The following NKAIN2 variants were observed in gnomAD, a reference collection of about 807,000 sequenced individuals.
NKAIN2 encodes sodium/potassium transporting ATPase interacting 2, also known as sodium/potassium-transporting ATPase subunit beta-1-interacting protein 2.
NKAIN2 carries 14 observed loss-of-function variants against 32.6 expected under a neutral mutation model. The ratio of observed to expected loss-of-function variants is 0.43; its 90% CI spans 0.28 to 0.67. The LOEUF (loss-of-function observed/expected upper bound fraction) is 0.67. Ranked by LOEUF, NKAIN2 falls within the 30% of genes least tolerant of loss-of-function variation. The probability of loss-of-function intolerance (pLI) is 0.17; values close to 1 mark genes in which losing one functional copy is unlikely to be tolerated. For synonymous variants in NKAIN2, 80 were observed against 87.2 expected (o/e 0.92, Z 0.46); for missense variants, 198 against 258.3 (o/e 0.77, Z 1.60).
intron 3 of NKAIN2, among the ~76,000 whole-genome samples, chr6:124,376,555 C>T (rs1318701438): frequency 6.6e-6 from 1 of 152,040 alleles, no homozygotes; most frequent in East Asian, 1.9e-4. Context: ...TAATTTGATA[C>T]ATATTTTCAA....
chr6:124,031,197 C>T (rs1314353845), intron 1 of NKAIN2, among the ~76,000 whole-genome samples: 1 of 152,042 alleles, frequency 6.6e-6, no homozygotes, highest in African/African-American at 2.4e-5. Flanking sequence ...ACGTGGCCAG[C>T]AGTAACCATT....
At chr6:124,347,922 A>G (rs1001998878) in intron 2 of NKAIN2, among the ~76,000 whole-genome samples, 5 of 152,020 alleles carry the variant, frequency 3.3e-5, no homozygotes, top group Non-Finnish European at 5.9e-5. Context: ...TGCTTTTTAG[A>G]GTTTCCAGTT....
Position 124,503,243 on chromosome 6 carries a change from A to C in NKAIN2, c.273+147896A>C, listed in dbSNP as rs1306409844. 2.0e-5 allele frequency among the ~76,000 whole-genome samples: 3 copies of C among 152,092 alleles called. No homozygotes were observed. In the South Asian group the frequency reaches 6.2e-4, roughly 31 times the overall value. ...TATATTGAATTTTAACTCCGCCCCA[A>C]AAAGCAAAAGTAAAGGAAAGTCTAA... On this transcript the variant is annotated intron_variant, in intron 3 of 6. Transcript: ENST00000368417.
At chr6:124,383,152 G>A (rs530604659) in intron 3 of NKAIN2, among the ~76,000 whole-genome samples, 3 of 152,200 alleles carry the variant, frequency 2.0e-5, no homozygotes, top group African/African-American at 7.2e-5. Context: ...TCTCCCCCAG[G>A]CACCCTTTCC....
At chr6:124,767,109 T>C (rs1778548841) in intron 4 of NKAIN2, among the ~76,000 whole-genome samples, 1 of 152,216 alleles carries the variant, frequency 6.6e-6, no homozygotes, top group African/African-American at 2.4e-5. Context: ...TCGGCCAGGC[T>C]GGTTTCAAAC....
chr6:124,631,695 G>GAGTT (rs968530789), intron 3 of NKAIN2, among the ~76,000 whole-genome samples: 221 of 152,028 alleles, frequency 1.5e-3, no homozygotes, highest in African/African-American at 5.0e-3. Context: ...AAACTCCCAG[G>GAGTT]AGTTAACTAT....
intron 1 of NKAIN2, among the ~76,000 whole-genome samples, chr6:124,143,694 CAACAT>C (rs1664567652): frequency 1.3e-5 from 2 of 151,714 alleles, no homozygotes; most frequent in South Asian, 2.1e-4. Context: ...CAGAACAAGA[CAACAT>C]AATGTAATGA....
intron 5 of NKAIN2, among the ~76,000 whole-genome samples, chr6:124,807,687 T>C (rs1473679530): frequency 6.7e-6 from 1 of 149,852 alleles, no homozygotes; most frequent in African/African-American, 2.5e-5. Context: ...TTCAAAAAAT[T>C]AATGAATCCA....
intron 3 of NKAIN2, among the ~76,000 whole-genome samples, chr6:124,488,728 A>T (rs1777748373): frequency 6.6e-6 from 1 of 152,020 alleles, no homozygotes; most frequent in South Asian, 2.1e-4. Flanking sequence ...AGAGATTTTG[A>T]TAGAGAAAAC....
intron 4 of NKAIN2, among the ~76,000 whole-genome samples, chr6:124,677,092 C>T (rs1773396278): frequency 1.3e-5 from 2 of 152,088 alleles, no homozygotes; most frequent in Non-Finnish European, 2.9e-5. Flanking sequence ...CCTCAGCCTC[C>T]CAAGTAGCTG....
At chr6:124,065,537 A>G (rs1167657526) in intron 1 of NKAIN2, among the ~76,000 whole-genome samples, 14 of 152,176 alleles carry the variant, frequency 9.2e-5, no homozygotes, top group Non-Finnish European at 1.5e-4. Flanking sequence ...CCTCTCTGCC[A>G]TGTGAGAACA....
chr6:124,274,814 A>C (rs963726373), intron 1 of NKAIN2, among the ~76,000 whole-genome samples: 1 of 152,044 alleles, frequency 6.6e-6, no homozygotes, highest in Non-Finnish European at 1.5e-5. Flanking sequence ...TGTTATGATA[A>C]AAAAATTAAG....
rs141291519 is a variant in NKAIN2 at position 123,958,575 on chromosome 6, C to T, written c.54+154321C>T. On this transcript the variant is annotated intron_variant, in intron 1 of 6. Transcript: ENST00000368417. The stretch of plus-strand genomic sequence containing the variant: ...ATCTCATTCTTGAGGGGTCTGGCCT[C>T]ATGGCCTTGTCACCTCCCAAAGGCC... Among the ~76,000 whole-genome samples, 1,077 of 152,372 alleles carry T rather than the reference C, an allele frequency of 7.1e-3. 10 individuals are homozygous for T. The highest frequency in any genetic ancestry group is 0.024 in the African/African-American group (991 of 41,600).
intron 1 of NKAIN2, among the ~76,000 whole-genome samples, chr6:124,135,591 T>C: frequency 6.7e-6 from 1 of 149,054 alleles, no homozygotes. Flanking sequence ...ACCACAATTC[T>C]AAATATATAT....
At chr6:124,331,370 A>AC (rs1562494294) in intron 2 of NKAIN2, among the ~76,000 whole-genome samples, 2 of 144,432 alleles carry the variant, frequency 1.4e-5, no homozygotes, top group Non-Finnish European at 3.0e-5. Flanking sequence ...AAAAAAAAAA[A>AC]AAAAAAAAAC....
chr6:124,399,741 G>T (rs1339580422), intron 3 of NKAIN2, among the ~76,000 whole-genome samples: 1 of 152,150 alleles, frequency 6.6e-6, no homozygotes, highest in African/African-American at 2.4e-5. Flanking sequence ...AGCCGGCTTT[G>T]GCCAAGTATT....
At chr6:124,093,652 A>G (rs1453748650) in intron 1 of NKAIN2, among the ~76,000 whole-genome samples, 2 of 152,150 alleles carry the variant, frequency 1.3e-5, no homozygotes, top group South Asian at 4.1e-4. Context: ...TAAATAAACA[A>G]ATTTTCATAT....
In NKAIN2 at chr6:123,948,326, C is replaced by A. The variant is rs550047539; in HGVS notation, c.54+144072C>A. Among the ~76,000 whole-genome samples, 180 of 152,014 alleles carry A rather than the reference C, an allele frequency of 1.2e-3. 1 individual carries two copies. Among genetic ancestry groups the A allele is most frequent in the Middle Eastern group, 3.4e-3 (1 of 294 alleles). On this transcript the variant is annotated intron_variant, in intron 1 of 6. Transcript: ENST00000368417. ...AATCATATGGTAGTTCTATTTTTAGCTTTTTGAGAAATTTCCATACTCTTT... is the reference window on the plus strand; with the variant it reads ...AATCATATGGTAGTTCTATTTTTAGATTTTTGAGAAATTTCCATACTCTTT...
intron 3 of NKAIN2, among the ~76,000 whole-genome samples, chr6:124,396,205 A>G (rs912363988): frequency 2.0e-5 from 3 of 152,104 alleles, no homozygotes; most frequent in Non-Finnish European, 4.4e-5. Context: ...CTCCCAATAC[A>G]TGGTAAGATG....
Sources: allele counts gnomAD v4.1 joint callset (sites outside exome capture counted in the v4.1 genomes callset), GRCh38; gene constraint gnomAD v4.1.1; transcripts MANE v1.5; gene names NCBI Gene and HGNC (gene_info 2026-07-23, HGNC 2026-07-21).